The following CSMD1 variants were observed in gnomAD, a reference collection of about 807,000 sequenced individuals.
CSMD1 encodes CUB and sushi domain-containing protein 1.
In CSMD1, 213 loss-of-function variants were observed where a neutral mutation model predicts 417.5. The ratio of observed to expected loss-of-function variants is 0.51; its 90% CI spans 0.46 to 0.57. The LOEUF (loss-of-function observed/expected upper bound fraction) is 0.57, where lower values mean the gene tolerates loss of function less well. Among genes scored for constraint, CSMD1 ranks in the 20% least tolerant of loss-of-function variants. CSMD1 has a pLI of 0.00. For missense variants in CSMD1, 6,923 were observed against 4,529.7 expected, an observed-to-expected ratio of 1.53 and a Z score of -15.17; for synonymous variants, 2,862 against 1,736.8, an observed-to-expected ratio of 1.65 and a Z score of -16.11.
intron 20 of CSMD1, among the ~76,000 whole-genome samples, chr8:3,364,651 A>G (rs1178435681): frequency 6.6e-6 from 1 of 152,134 alleles, no homozygotes. Flanking sequence ...AAAGCCATTA[A>G]AAGGGCTTCT....
intron 3 of CSMD1, among the ~76,000 whole-genome samples, chr8:4,331,864 A>C (rs1266127706): frequency 6.6e-6 from 1 of 152,200 alleles, no homozygotes; most frequent in African/African-American, 2.4e-5. Flanking sequence ...TTGCTTAAAA[A>C]AATACATAAT....
intron 50 of CSMD1, among the ~76,000 whole-genome samples, chr8:3,047,755 T>C (rs1004690977): frequency 1.3e-5 from 2 of 152,380 alleles, no homozygotes; most frequent in African/African-American, 4.8e-5. Flanking sequence ...AATCCCTTTT[T>C]TGGCAGATAT....
At chr8:3,272,143 G>A (rs76754394) in intron 26 of CSMD1, among the ~76,000 whole-genome samples, 23,865 of 125,388 alleles carry the variant, frequency 0.19, 3,178 homozygotes, top group African/African-American at 0.26. Context: ...TCAGCTTTCT[G>A]CATATGGTTA....
chr8:4,319,768 G>C (rs547124529), intron 3 of CSMD1, among the ~76,000 whole-genome samples: 2 of 152,038 alleles, frequency 1.3e-5, no homozygotes, highest in African/African-American at 4.8e-5. Context: ...TAGAGTTGCC[G>C]GGCAAAATAC....
chr8:3,767,043 C>A (rs190032466), intron 5 of CSMD1, among the ~76,000 whole-genome samples: 1 of 152,324 alleles, frequency 6.6e-6, no homozygotes, highest in Non-Finnish European at 1.5e-5. Context: ...CTCCGGAGCT[C>A]TTCAGCTGCT....
chr8:4,408,688 A>G (rs985737516), intron 3 of CSMD1, among the ~76,000 whole-genome samples: 3 of 152,210 alleles, frequency 2.0e-5, no homozygotes, highest in Admixed American at 6.5e-5. Context: ...TGAAACCAAG[A>G]ATAAGCCCAT....
intron 2 of CSMD1, among the ~76,000 whole-genome samples, chr8:4,494,833 A>C (rs1801897518): frequency 6.6e-6 from 1 of 152,216 alleles, no homozygotes; most frequent in Non-Finnish European, 1.5e-5. Flanking sequence ...AAACTTAGAA[A>C]ATAGAGTCAG....
chr8:3,134,863 T>C (rs1183852185), intron 41 of CSMD1, among the ~76,000 whole-genome samples: 3 of 152,198 alleles, frequency 2.0e-5, no homozygotes, highest in Non-Finnish European at 4.4e-5. Context: ...TTGGAATTTA[T>C]GTGGAAATCA....
At chr8:4,856,389 T>G (rs1325696166) in intron 1 of CSMD1, among the ~76,000 whole-genome samples, 1 of 143,418 alleles carries the variant, frequency 7.0e-6, no homozygotes, top group East Asian at 2.1e-4. Flanking sequence ...AACATCATAA[T>G]GACAGGATCA....
intron 2 of CSMD1, among the ~76,000 whole-genome samples, chr8:4,473,703 G>C (rs899940911): frequency 6.6e-6 from 1 of 152,136 alleles, no homozygotes; most frequent in East Asian, 1.9e-4. Context: ...AATGATGTAA[G>C]GTATGCAGGA....
At chr8:4,915,176 A>G (rs1196574735) in intron 1 of CSMD1, among the ~76,000 whole-genome samples, 1 of 152,210 alleles carries the variant, frequency 6.6e-6, no homozygotes, top group Non-Finnish European at 1.5e-5. Context: ...TATATAAGAG[A>G]AATGCATATA....
At chr8:4,121,185 G>C (rs1802467256) in intron 3 of CSMD1, among the ~76,000 whole-genome samples, 1 of 151,998 alleles carries the variant, frequency 6.6e-6, no homozygotes, top group African/African-American at 2.4e-5. Flanking sequence ...CACGATCTTA[G>C]CTCACAGCAA....
intron 10 of CSMD1, among the ~76,000 whole-genome samples, chr8:3,539,104 C>T (rs1344827495): frequency 6.6e-6 from 1 of 152,222 alleles, no homozygotes; most frequent in African/African-American, 2.4e-5. Context: ...AGTCCCTTTC[C>T]CTGCACCCGC....
At chr8:4,337,761 T>C (rs1440308480) in intron 3 of CSMD1, among the ~76,000 whole-genome samples, 1 of 152,182 alleles carries the variant, frequency 6.6e-6, no homozygotes, top group African/African-American at 2.4e-5. Context: ...AGCCTTTACA[T>C]TGGGCTGGAG....
chr8:4,105,725 C>T (rs913232071), intron 3 of CSMD1, among the ~76,000 whole-genome samples: 1 of 152,192 alleles, frequency 6.6e-6, no homozygotes, highest in Non-Finnish European at 1.5e-5. Context: ...AAGATCAACC[C>T]ACAGCTTTCT....
intron 3 of CSMD1, among the ~76,000 whole-genome samples, chr8:4,385,375 C>G (rs1803379889): frequency 1.3e-5 from 2 of 152,212 alleles, no homozygotes; most frequent in African/African-American, 4.8e-5. Flanking sequence ...GTGGCCCCAG[C>G]CTTAACATTT....
chr8:4,386,450 C>T (rs1156657051), intron 3 of CSMD1, among the ~76,000 whole-genome samples: 1 of 151,968 alleles, frequency 6.6e-6, no homozygotes, highest in Non-Finnish European at 1.5e-5. Flanking sequence ...ACATTCTCCT[C>T]TCTTTACATG....
intron 10 of CSMD1, among the ~76,000 whole-genome samples, chr8:3,563,926 T>C (rs1383799801): frequency 2.6e-5 from 4 of 152,110 alleles, no homozygotes; most frequent in Non-Finnish European, 5.9e-5. Flanking sequence ...AACATATTTT[T>C]AAACCTATTT....
Position 3,663,370 on chromosome 8 carries a change from G to T in CSMD1, c.1009+45044C>A, listed in dbSNP as rs146741788. ...AACATGGCAAGTTTGACTTTATAAA[G>T]GGGCACTTCTGTAAATTTCCCTGAC... On this transcript the variant is annotated intron_variant, in intron 7 of 69. Coordinates refer to ENST00000635120, the MANE Select transcript of CSMD1 (RefSeq NM_033225.6). 2.6e-5 allele frequency among the ~76,000 whole-genome samples: 4 copies of T among 152,214 alleles called. No homozygotes were observed. In the East Asian group the frequency reaches 7.7e-4, roughly 29 times the overall value.
Sources: allele counts gnomAD v4.1 joint callset (sites outside exome capture counted in the v4.1 genomes callset), GRCh38; gene constraint gnomAD v4.1.1; transcripts MANE v1.5; gene names NCBI Gene and HGNC (gene_info 2026-07-23, HGNC 2026-07-21).